GABPB1: variants seen among roughly 807,000 people sequenced by gnomAD.
The protein encoded by GABPB1 is GA binding protein transcription factor subunit beta 1, also known as GA-binding protein subunit beta-1.
A neutral mutation model predicts 45.9 loss-of-function variants in GABPB1; 15 were observed. That is an observed-to-expected ratio of 0.33 (90% CI 0.22 to 0.50). GABPB1 has a LOEUF of 0.50. Ranked by LOEUF, GABPB1 falls within the 20% of genes least tolerant of loss-of-function variation. The pLI is 0.98. For synonymous variants in GABPB1, 143 were observed against 154.4 expected (o/e 0.93, Z 0.55); for missense variants, 252 against 457.5 (o/e 0.55, Z 4.10).
intron 1 of GABPB1, among the ~76,000 whole-genome samples, chr15:50,315,235 G>C (rs182545426): frequency 6.6e-6 from 1 of 152,062 alleles, no homozygotes; most frequent in Non-Finnish European, 1.5e-5. Flanking sequence ...AGGCTCAACC[G>C]ATCCTCCCGC....
chr15:50,342,012 C>A (rs953104669), intron 1 of GABPB1, among the ~76,000 whole-genome samples: 6 of 152,192 alleles, frequency 3.9e-5, no homozygotes, highest in Non-Finnish European at 7.3e-5. Flanking sequence ...TATTTTAATA[C>A]AGGGTTATTT....
At chr15:50,350,859 T>G (rs1243798633) in intron 1 of GABPB1, 1 of 152,208 alleles carries the variant, frequency 6.6e-6, no homozygotes, top group Non-Finnish European at 1.5e-5. Context: ...TCTGGTCAAG[T>G]CAAATCTGAT....
At chr15:50,352,976 GTTCGT>G (rs1334879405) in intron 1 of GABPB1, 1 of 152,172 alleles carries the variant, frequency 6.6e-6, no homozygotes, top group Non-Finnish European at 1.5e-5. Context: ...TCTGCAAACT[GTTCGT>G]TTCACCAAAG....
chr15:50,332,489 T>C (rs1364237470), intron 1 of GABPB1, among the ~76,000 whole-genome samples: 2 of 152,122 alleles, frequency 1.3e-5, no homozygotes, highest in African/African-American at 2.4e-5. Context: ...ATTGGGAAAA[T>C]GTGAATACTA....
intron 6 of GABPB1, among the ~76,000 whole-genome samples, chr15:50,291,499 T>G (rs912703586): frequency 1.3e-5 from 2 of 151,720 alleles, no homozygotes; most frequent in Admixed American, 1.3e-4. Flanking sequence ...TTTTTTTTTT[T>G]TGTATTTTTA....
At position 50,275,761 on chromosome 15, in the gene GABPB1, A is replaced by T. The variant is rs1215550952; in HGVS notation, c.*2871T>A. The T allele has an allele frequency of 2.0e-5, 3 of 152,252 alleles. No homozygotes were observed. The highest frequency in any genetic ancestry group is 4.4e-5 in the Non-Finnish European group (3 of 68,040). The allele number at this position is 152,252 out of a possible 1,614,324, so 9.4% of individuals were successfully genotyped here. On this transcript the variant is annotated 3_prime_UTR_variant, in exon 9 of 9. Coordinates refer to ENST00000380877, the MANE Select transcript of GABPB1 (RefSeq NM_016654.5). Reference sequence around the variant, plus strand: ...AAAGCCAACGAAAACAAATGACATCACAAGTCCTTTTGTGAAGTAATTAAG... The same window carrying T: ...AAAGCCAACGAAAACAAATGACATCTCAAGTCCTTTTGTGAAGTAATTAAG...
At chr15:50,289,457 A>T in intron 7 of GABPB1, 26 bp downstream of exon 7, 1 of 1,471,232 alleles carries the variant, frequency 6.8e-7, no homozygotes, top group South Asian at 1.3e-5. Context: ...AAACATACAA[A>T]CTTTATATAA....
chr15:50,354,356 C>T (rs1410241860), intron 1 of GABPB1: 1 of 448,356 alleles, frequency 2.2e-6, no homozygotes, highest in Admixed American at 2.4e-5. Flanking sequence ...GGGGGCCCCG[C>T]GCGGGACTGG....
chr15:50,330,298 C>T (rs575733205), intron 1 of GABPB1, among the ~76,000 whole-genome samples: 2 of 152,166 alleles, frequency 1.3e-5, no homozygotes, highest in Admixed American at 6.6e-5. Context: ...CTGGAAAATA[C>T]TGCATAGAGA....
Position 50,302,948 on chromosome 15 carries a change from T to C in GABPB1, c.452A>G (p.Asp151Gly), listed in dbSNP as rs1373349685. The C allele has an allele frequency of 9.9e-6, 16 of 1,612,386 alleles. No homozygotes were observed. The highest frequency in any genetic ancestry group is 1.4e-5 in the Non-Finnish European group (16 of 1,179,064). Reference sequence around the variant, plus strand: ...AGTTACCTGTAATATCTCTGCTAAATCTTCATTTCCATTGTCTATTGAAAT... The same window carrying C: ...AGTTACCTGTAATATCTCTGCTAAACCTTCATTTCCATTGTCTATTGAAAT... ...FDISIDNGNEDLAEILQIAMQ... is the reference protein window; with the variant it reads ...FDISIDNGNEGLAEILQIAMQ... Residue 151 changes from aspartate to glycine, a missense_variant, in exon 4 of 9, where the codon GAT becomes GGT. Physicochemically the swap from Asp to Gly is moderately conservative, Grantham distance 94 (BLOSUM62 -1). Around this residue, in one of 4 missense-constraint regions of GABPB1, gnomAD observed 193 missense variants for 259.9 expected, o/e 0.74. Coordinates refer to ENST00000380877, the MANE Select transcript of GABPB1 (RefSeq NM_016654.5).
intron 1 of GABPB1, among the ~76,000 whole-genome samples, chr15:50,311,089 T>C (rs184523603): frequency 2.6e-5 from 4 of 152,282 alleles, no homozygotes; most frequent in African/African-American, 9.6e-5. Flanking sequence ...TATGTATTTG[T>C]GTCTTCTTGA....
At position 50,307,996 on chromosome 15, in the gene GABPB1, A is replaced by G. The variant is rs1368193693; in HGVS notation, c.108+1695T>C. Among the ~76,000 whole-genome samples the G allele has an allele frequency of 2.0e-5, 3 of 151,806 alleles. No individual in the cohort carries two copies. In the East Asian group the frequency reaches 5.8e-4, roughly 29 times the overall value. ...TTCTATCTATTTTTATCTGTGACAT[A>G]GTCTGGATCATTTTTTTTTTCATAC... On this transcript the variant is annotated intron_variant, in intron 2 of 8. Coordinates refer to ENST00000380877, the MANE Select transcript of GABPB1 (RefSeq NM_016654.5).
chr15:50,340,691 T>G (rs2048326762), intron 1 of GABPB1, among the ~76,000 whole-genome samples: 1 of 152,076 alleles, frequency 6.6e-6, no homozygotes, highest in Non-Finnish European at 1.5e-5. Context: ...ATGCTATTAT[T>G]GTGTTTTAAT....
intron 1 of GABPB1, among the ~76,000 whole-genome samples, chr15:50,340,547 CAAAAAAAAAA>C (rs397853899): frequency 9.0e-6 from 1 of 110,792 alleles, no homozygotes; most frequent in Non-Finnish European, 1.8e-5. Flanking sequence ...CTATAATCAC[CAAAAAAAAAA>C]AAAAAAAAAA....
chr15:50,290,585 T>C (rs2046312799), intron 6 of GABPB1, among the ~76,000 whole-genome samples: 1 of 149,022 alleles, frequency 6.7e-6, no homozygotes, highest in African/African-American at 2.5e-5. Context: ...AACAAGACCC[T>C]GTCTCAAAAA....
At chr15:50,286,262 A>G in intron 7 of GABPB1, 79 bp from the exon 8 acceptor site, 1 of 942,896 alleles carries the variant, frequency 1.1e-6, no homozygotes, top group Non-Finnish European at 1.5e-6. Flanking sequence ...GACATTGTTG[A>G]TGCTACTCAT....
rs1170823967 is a variant in GABPB1, at chr15:50,355,188, A to T, written c.-204T>A. 6.5e-6 allele frequency: 1 copy of T among 153,068 alleles called. No individual in the cohort carries two copies. The highest frequency in any genetic ancestry group is 6.5e-5 in the Admixed American group (1 of 15,286). The allele number at this position is 153,068 out of a possible 1,614,324, so 9.5% of individuals were successfully genotyped here. ...TCCCCCGTGCTGCGCGCGGAGGGAC[A>T]CATGGTGTGCGAGTGAGTCAAGCTC... On this transcript the variant is annotated 5_prime_UTR_variant, in exon 1 of 9. Coordinates refer to ENST00000380877, the MANE Select transcript of GABPB1 (RefSeq NM_016654.5).
At chr15:50,326,762 A>T (rs997205703) in intron 1 of GABPB1, among the ~76,000 whole-genome samples, 10 of 152,110 alleles carry the variant, frequency 6.6e-5, no homozygotes, top group South Asian at 2.1e-4. Flanking sequence ...TGAGCCTGGG[A>T]GGTCAAGGCT....
At chr15:50,344,276 G>GT in intron 1 of GABPB1, among the ~76,000 whole-genome samples, 1 of 152,162 alleles carries the variant, frequency 6.6e-6, no homozygotes, top group Admixed American at 6.5e-5. Context: ...ACTTTATCTT[G>GT]TAAACAACTG....
Sources: allele counts gnomAD v4.1 joint callset (sites outside exome capture counted in the v4.1 genomes callset), GRCh38; gene constraint gnomAD v4.1.1; regional missense constraint gnomAD v4.1.1; transcripts MANE v1.5; gene names NCBI Gene and HGNC (gene_info 2026-07-23, HGNC 2026-07-21).